The following ATXN1 variants were observed in gnomAD, a reference collection of about 807,000 sequenced individuals.
ATXN1 encodes the protein ataxin-1.
ATXN1 carries 8 observed loss-of-function variants against 56.4 expected under a neutral mutation model. The observed-to-expected ratio is 0.14, with a 90% CI of 0.08 to 0.26. The LOEUF is 0.26. Ranked by LOEUF, ATXN1 falls within the 10% of genes least tolerant of loss-of-function variation. The pLI, the probability that ATXN1 is intolerant of heterozygous loss-of-function variation, is 1.00. For synonymous variants in ATXN1, 514 were observed against 494.6 expected (o/e 1.04, Z -0.52); for missense variants, 987 against 1,106.5 (o/e 0.89, Z 1.53).
chr6:16,759,816 C>G (rs1329250302), intron 1 of ATXN1, among the ~76,000 whole-genome samples: 1 of 151,996 alleles, frequency 6.6e-6, no homozygotes, highest in Non-Finnish European at 1.5e-5. Context: ...CCCTTTCAGT[C>G]AGCCCCCTAC....
At chr6:16,402,893 C>T (rs543840535) in intron 6 of ATXN1, among the ~76,000 whole-genome samples, 6 of 152,310 alleles carry the variant, frequency 3.9e-5, no homozygotes, top group African/African-American at 1.2e-4. Context: ...CTACATCAAA[C>T]GTTATCTTAA....
intron 6 of ATXN1, among the ~76,000 whole-genome samples, chr6:16,377,392 GC>G (rs1762161870): frequency 6.6e-6 from 1 of 152,168 alleles, no homozygotes; most frequent in African/African-American, 2.4e-5. Flanking sequence ...GCTGATATGA[GC>G]CTGCTTTTCT....
chr6:16,355,661 A>T (rs1761671710), intron 6 of ATXN1, among the ~76,000 whole-genome samples: 1 of 152,024 alleles, frequency 6.6e-6, no homozygotes, highest in Admixed American at 6.5e-5. Context: ...TCCCAGGTTC[A>T]AACAATTCTC....
At chr6:16,589,328 C>T (rs917334732) in intron 3 of ATXN1, among the ~76,000 whole-genome samples, 4 of 151,992 alleles carry the variant, frequency 2.6e-5, no homozygotes, top group Non-Finnish European at 5.9e-5. Flanking sequence ...CATAGTACCC[C>T]AGAGTTTCGT....
intron 6 of ATXN1, among the ~76,000 whole-genome samples, chr6:16,402,636 C>T (rs1052286350): frequency 4.6e-5 from 7 of 152,170 alleles, no homozygotes; most frequent in Admixed American, 4.6e-4. Flanking sequence ...AAAGCTGTTC[C>T]TCCTTTCAAG....
chr6:16,443,834 C>T (rs765711387), intron 6 of ATXN1, among the ~76,000 whole-genome samples: 1 of 152,100 alleles, frequency 6.6e-6, no homozygotes, highest in Non-Finnish European at 1.5e-5. Context: ...TACGTACACA[C>T]GGCCAGGCAC....
intron 7 of ATXN1, among the ~76,000 whole-genome samples, chr6:16,320,407 C>T (rs1005335472): frequency 2.7e-5 from 4 of 150,072 alleles, no homozygotes; most frequent in Non-Finnish European, 5.9e-5. Context: ...CCTCGGGAGG[C>T]GCTGGGAAGC....
rs532203968 is a variant in ATXN1 at position 16,760,435 on chromosome 6, T to G, written c.-730+863A>C. Among the ~76,000 whole-genome samples the G allele has an allele frequency of 1.3e-5, 2 of 150,734 alleles. No individual in the cohort carries two copies. Among genetic ancestry groups the G allele is most frequent in the Admixed American group, 6.6e-5 (1 of 15,186 alleles). On this transcript the variant is annotated intron_variant, in intron 1 of 7. Transcript: ENST00000436367. The surrounding 1 kb of genome is among the most constrained non-coding windows in gnomAD (Gnocchi z 5.3). ...TCCGGGCGGCGGCTGCCGCTGCACA[T>G]GATCAGGAAGCGGCCGCACCAACAG...
Position 16,440,649 on chromosome 6 carries a change from A to AAAAAAAAAAAAAAAAAAAAAAAAAAG in ATXN1, c.-161+45322_-161+45323insCTTTTTTTTTTTTTTTTTTTTTTTTT, listed in dbSNP as rs56105499. ...GAGTGAGACCCTGTCTTAAAAAAAAAAAAGAAAAGAAAAGAAAAAATTAAA... is the reference window on the plus strand; with the variant it reads ...GAGTGAGACCCTGTCTTAAAAAAAAAAAAAAAAAAAAAAAAAAAAAAAAAAGAAAGAAAAGAAAAGAAAAAATTAAA... On this transcript the variant is annotated intron_variant, in intron 6 of 7. Coordinates refer to ENST00000436367, the MANE Select transcript of ATXN1 (RefSeq NM_001128164.2). Among the ~76,000 whole-genome samples the AAAAAAAAAAAAAAAAAAAAAAAAAAG allele has an allele frequency of 4.0e-4, 46 of 113,660 alleles. 1 individual carries two copies. The highest frequency in any genetic ancestry group is 6.2e-4 in the Non-Finnish European group (35 of 56,792). The allele number at this position is 113,660 out of a possible 152,430, so 74.6% of individuals were successfully genotyped here.
intron 6 of ATXN1, among the ~76,000 whole-genome samples, chr6:16,347,221 T>A (rs1761432412): frequency 6.6e-6 from 1 of 152,118 alleles, no homozygotes; most frequent in Non-Finnish European, 1.5e-5. Context: ...GACTGAGGAG[T>A]GCGGGCGCAC....
chr6:16,651,841 A>G (rs1199417547), intron 3 of ATXN1: 1 of 152,252 alleles, frequency 6.6e-6, no homozygotes, highest in African/African-American at 2.4e-5. Flanking sequence ...CAGGGAAAGC[A>G]TGTGCGGTAA....
At chr6:16,748,167 G>C (rs1231947515) in intron 2 of ATXN1, among the ~76,000 whole-genome samples, 1 of 152,182 alleles carries the variant, frequency 6.6e-6, no homozygotes, top group African/African-American at 2.4e-5. Context: ...AAGTGCATAG[G>C]AATCTCAAGG....
chr6:16,729,438 AC>A (rs1759919154), intron 2 of ATXN1, among the ~76,000 whole-genome samples: 1 of 152,128 alleles, frequency 6.6e-6, no homozygotes, highest in Non-Finnish European at 1.5e-5. Context: ...CTTTGTATTT[AC>A]TCACCCTGAA....
intron 2 of ATXN1, among the ~76,000 whole-genome samples, chr6:16,722,264 G>A (rs977167944): frequency 2.0e-5 from 3 of 152,190 alleles, no homozygotes; most frequent in African/African-American, 7.2e-5. Flanking sequence ...CATTAGCCAT[G>A]ACCTCCCAAT....
intron 4 of ATXN1, among the ~76,000 whole-genome samples, chr6:16,536,884 T>C (rs1561744603): frequency 6.6e-6 from 1 of 152,226 alleles, no homozygotes; most frequent in Non-Finnish European, 1.5e-5. Flanking sequence ...GCACTGGTAC[T>C]TATCATGGTC....
intron 3 of ATXN1, among the ~76,000 whole-genome samples, chr6:16,593,179 C>T (rs1322127514): frequency 6.6e-6 from 1 of 152,182 alleles, no homozygotes; most frequent in Non-Finnish European, 1.5e-5. Flanking sequence ...CTCCAAGTCC[C>T]CACTCGACCC....
chr6:16,653,459 A>T (rs890372106), intron 3 of ATXN1, among the ~76,000 whole-genome samples: 3 of 152,250 alleles, frequency 2.0e-5, no homozygotes, highest in Non-Finnish European at 4.4e-5. Context: ...AGCTGAAAGA[A>T]ATACCACTCA....
intron 5 of ATXN1, among the ~76,000 whole-genome samples, chr6:16,501,317 T>A (rs550067841): frequency 6.6e-6 from 1 of 152,370 alleles, no homozygotes; most frequent in South Asian, 2.1e-4. Flanking sequence ...AAAATATTTT[T>A]AAATTTTACT....
chr6:16,641,001 T>C (rs1260563562), intron 3 of ATXN1, among the ~76,000 whole-genome samples: 1 of 152,066 alleles, frequency 6.6e-6, no homozygotes, highest in East Asian at 1.9e-4. Context: ...AAAGTTAGAG[T>C]GGTCTGAATA....
Sources: gnomAD v4.1 joint callset for allele counts (sites outside exome capture counted in the v4.1 genomes callset) on GRCh38, gnomAD v4.1.1 for gene constraint, Gnocchi (gnomAD v3.1) non-coding constraint, MANE v1.5 for transcripts, NCBI Gene and HGNC (gene_info 2026-07-23, HGNC 2026-07-21) for gene names.